The following KIAA1217 variants were observed in gnomAD, a reference collection of about 807,000 sequenced individuals.
KIAA1217 encodes the protein sickle tail protein homolog.
A neutral mutation model predicts 163.9 loss-of-function variants in KIAA1217; 88 were observed. The observed-to-expected ratio is 0.54, with a 90% CI of 0.45 to 0.64. KIAA1217 has a LOEUF of 0.64. Ranked by LOEUF, KIAA1217 falls within the 30% of genes least tolerant of loss-of-function variation. KIAA1217 has a pLI of 0.00. For synonymous variants in KIAA1217, 903 were observed against 923.1 expected, an observed-to-expected ratio of 0.98 and a Z score of 0.39; for missense variants, 2,372 against 2,475.0, an observed-to-expected ratio of 0.96 and a Z score of 0.88.
intron 3 of KIAA1217, among the ~76,000 whole-genome samples, chr10:24,404,187 G>A (rs1254397638): frequency 6.6e-6 from 1 of 152,110 alleles, no homozygotes; most frequent in South Asian, 2.1e-4. Context: ...TCGAACTCTG[G>A]GGTCAAGCGA....
intron 2 of KIAA1217, among the ~76,000 whole-genome samples, chr10:24,296,175 C>T (rs187323764): frequency 1.0e-3 from 153 of 152,266 alleles, no homozygotes; most frequent in Non-Finnish European, 1.5e-3. Context: ...ACAATCATTG[C>T]TCACTGCAGC....
upstream of KIAA1217, among the ~76,000 whole-genome samples, chr10:24,205,495 C>A (rs11013961): frequency 0.35 from 52,138 of 150,762 alleles, 9,088 homozygotes; most frequent in Middle Eastern, 0.51. Flanking sequence ...GAAAAAATGC[C>A]GGGCGCGGTG....
intron 1 of KIAA1217, among the ~76,000 whole-genome samples, chr10:23,919,047 T>G (rs1390788330): frequency 1.3e-5 from 2 of 152,106 alleles, no homozygotes; most frequent in Non-Finnish European, 1.5e-5. Context: ...TCATTTTCAG[T>G]CTGAGATGTT....
Position 24,269,113 on chromosome 10 carries a change from G to A in KIAA1217, c.354+49204G>A, listed in dbSNP as rs1288602204. Reference sequence around the variant, plus strand: ...TTGGGAGATATACCTAATGCTAGATGACGAGTTAGTGGGTGCAGCGCACCA... The same window carrying A: ...TTGGGAGATATACCTAATGCTAGATAACGAGTTAGTGGGTGCAGCGCACCA... On this transcript the variant is annotated intron_variant, in intron 2 of 20. Coordinates refer to ENST00000376454, the MANE Select transcript of KIAA1217 (RefSeq NM_019590.5). Among the ~76,000 whole-genome samples, 370 of 144,804 alleles carry A rather than the reference G, an allele frequency of 2.6e-3. 2 individuals carry two copies. Among genetic ancestry groups the A allele is most frequent in the African/African-American group, 9.1e-3 (353 of 38,642 alleles). 95.0% of individuals were successfully genotyped at this position (144,804 alleles called of 152,430 possible).
At chr10:24,103,920 C>A (rs1293879902) in intron 2 of KIAA1217, among the ~76,000 whole-genome samples, 1 of 152,194 alleles carries the variant, frequency 6.6e-6, no homozygotes, top group Non-Finnish European at 1.5e-5. Flanking sequence ...AATAGACCAA[C>A]ACAAACATAT....
intron 2 of KIAA1217, among the ~76,000 whole-genome samples, chr10:24,377,738 G>A (rs1002535951): frequency 6.6e-6 from 1 of 152,028 alleles, no homozygotes; most frequent in Non-Finnish European, 1.5e-5. Context: ...ATAAAATAAT[G>A]GGAACTATGA....
At chr10:23,811,989 G>A (rs1336094749) in intron 1 of KIAA1217, among the ~76,000 whole-genome samples, 1 of 152,142 alleles carries the variant, frequency 6.6e-6, no homozygotes, top group Non-Finnish European at 1.5e-5. Flanking sequence ...GGGGGCTGAG[G>A]TGAGGGGATC....
At chr10:24,424,480 C>G (rs2059020981) in intron 3 of KIAA1217, among the ~76,000 whole-genome samples, 1 of 152,232 alleles carries the variant, frequency 6.6e-6, no homozygotes, top group South Asian at 2.1e-4. Flanking sequence ...GTTCCTGGCA[C>G]AGGCCTGGCA....
intron 9 of KIAA1217, among the ~76,000 whole-genome samples, chr10:24,504,593 C>A (rs2068097265): frequency 6.6e-6 from 1 of 152,162 alleles, no homozygotes; most frequent in South Asian, 2.1e-4. Flanking sequence ...ATGGAGCTAT[C>A]ATTAGAGATA....
rs147946926 is a variant in KIAA1217 at position 24,396,990 on chromosome 10, A to G, written c.553+15923A>G. ...AATAATCCAGGAAGATGGGAGTGTTAGCAGAGTGAGCAGGGAAAAGAATCT... is the reference window on the plus strand; with the variant it reads ...AATAATCCAGGAAGATGGGAGTGTTGGCAGAGTGAGCAGGGAAAAGAATCT... On this transcript the variant is annotated intron_variant, in intron 3 of 20. Transcript: ENST00000376454. Among the ~76,000 whole-genome samples, 947 of 152,232 alleles carry G rather than the reference A, an allele frequency of 6.2e-3. 2 individuals carry two copies. Among genetic ancestry groups the G allele is most frequent in the Non-Finnish European group, 9.5e-3 (646 of 68,012 alleles).
At chr10:24,456,502 G>A (rs1341933285) in intron 5 of KIAA1217, among the ~76,000 whole-genome samples, 10 of 152,198 alleles carry the variant, frequency 6.6e-5, no homozygotes, top group Non-Finnish European at 1.5e-4. Context: ...AGGTTTTACT[G>A]AAGCAAGTAA....
chr10:24,248,358 T>A (rs1320414576), intron 2 of KIAA1217, among the ~76,000 whole-genome samples: 2 of 152,132 alleles, frequency 1.3e-5, no homozygotes, highest in Non-Finnish European at 2.9e-5. Flanking sequence ...TATAAAACAT[T>A]CACTTTAAAT....
intron 1 of KIAA1217, among the ~76,000 whole-genome samples, chr10:23,699,809 A>T (rs1340048424): frequency 6.6e-6 from 1 of 152,010 alleles, no homozygotes; most frequent in African/African-American, 2.4e-5. Flanking sequence ...TTTATTAATA[A>T]TTTTTTATTT....
At position 23,823,004 on chromosome 10, in the gene KIAA1217, G is replaced by T. The variant is rs149239819; in HGVS notation, c.-321+127770G>T. 1.1e-4 allele frequency among the ~76,000 whole-genome samples: 17 copies of T among 152,272 alleles called. No individual in the cohort carries two copies. In the East Asian group the frequency reaches 3.3e-3, roughly 29 times the overall value. On this transcript the variant is annotated intron_variant, in intron 1 of 18. Coordinates refer to the KIAA1217 transcript ENST00000376462. ...TCCCCAAATTAAGCAGGATTTAATA[G>T]AATTTATGCTTGCATTCATTTTTTA... is the stretch of plus-strand genomic sequence containing the variant.
chr10:24,534,989 G>T (rs1361434917), intron 16 of KIAA1217, among the ~76,000 whole-genome samples: 2 of 150,562 alleles, frequency 1.3e-5, no homozygotes, highest in South Asian at 2.1e-4. Context: ...TGCTAAATCC[G>T]CAACTCGATC....
rs572453431 is a variant in KIAA1217 at position 24,480,451 on chromosome 10, C to G, written c.1679+6391C>G. Among the ~76,000 whole-genome samples, 11 of 152,254 alleles carry G rather than the reference C, an allele frequency of 7.2e-5. No individual in the cohort carries two copies. In the South Asian group the frequency reaches 2.1e-3, roughly 29 times the overall value. On this transcript the variant is annotated intron_variant, in intron 6 of 20. Transcript: ENST00000376454. ...AGTAACTTGTAATGGACTTCCAAGC[C>G]AGAGTGCCTGGGTTCAAATCCCAGT...
chr10:23,768,881 A>G (rs948395366), intron 1 of KIAA1217, among the ~76,000 whole-genome samples: 1 of 152,172 alleles, frequency 6.6e-6, no homozygotes, highest in Non-Finnish European at 1.5e-5. Context: ...CACAAGGAAC[A>G]ACCTCCCAGA....
intron 2 of KIAA1217, among the ~76,000 whole-genome samples, chr10:24,270,271 A>G (rs2076646301): frequency 6.6e-6 from 1 of 152,236 alleles, no homozygotes. Context: ...GTCACTGAAC[A>G]CTGTCTCATC....
At chr10:23,938,907 G>T (rs12246111) in intron 1 of KIAA1217, among the ~76,000 whole-genome samples, 22,741 of 152,120 alleles carry the variant, frequency 0.15, 3,631 homozygotes, top group African/African-American at 0.4. Context: ...AATATGACCT[G>T]TAATGAGAAA....
Sources: allele counts gnomAD v4.1 joint callset (sites outside exome capture counted in the v4.1 genomes callset), GRCh38; gene constraint gnomAD v4.1.1; transcripts MANE v1.5; gene names NCBI Gene and HGNC (gene_info 2026-07-23, HGNC 2026-07-21).